Variants in TMEM38B observed in about 807,000 individuals in gnomAD.
TMEM38B encodes transmembrane protein 38B, also known as trimeric intracellular cation channel type B.
In TMEM38B, 24 loss-of-function variants were observed where a neutral mutation model predicts 28.7. The ratio of observed to expected loss-of-function variants is 0.84; its 90% CI spans 0.61 to 1.18. The LOEUF (loss-of-function observed/expected upper bound fraction) is 1.18. TMEM38B is among the 50% of genes most tolerant of loss of function. The probability of loss-of-function intolerance (pLI) is 0.00; values close to 1 mark genes in which losing one functional copy is unlikely to be tolerated. For synonymous variants in TMEM38B, 131 were observed against 127.7 expected (o/e 1.03, Z -0.17); for missense variants, 380 against 350.9 (o/e 1.08, Z -0.66).
intron 4 of TMEM38B, among the ~76,000 whole-genome samples, chr9:105,747,648 A>G (rs1837469674): frequency 6.6e-6 from 1 of 151,974 alleles, no homozygotes; most frequent in African/African-American, 2.4e-5. Context: ...TTGCTTCTCT[A>G]GTTCTTTTAA....
chr9:105,732,008 A>G (rs902847730), intron 4 of TMEM38B, among the ~76,000 whole-genome samples: 31 of 152,072 alleles, frequency 2.0e-4, no homozygotes, highest in Non-Finnish European at 3.2e-4. Flanking sequence ...TCTAACTGGC[A>G]TGAGATGGTA....
At chr9:105,696,743 C>T (rs144065186) in intron 1 of TMEM38B, among the ~76,000 whole-genome samples, 1 of 152,238 alleles carries the variant, frequency 6.6e-6, no homozygotes, top group East Asian at 1.9e-4. Flanking sequence ...ACCCCCAACC[C>T]CCAACCAGAG....
intron 5 of TMEM38B, chr9:105,749,134 T>C (rs1195558817): frequency 1.5e-6 from 2 of 1,300,630 alleles, no homozygotes; most frequent in Non-Finnish European, 1.0e-6. Flanking sequence ...GGAGGCAAAA[T>C]CTCTTCACAT....
chr9:105,712,000 T>C (rs1835923105), intron 2 of TMEM38B, among the ~76,000 whole-genome samples: 1 of 152,094 alleles, frequency 6.6e-6, no homozygotes, highest in South Asian at 2.1e-4. Context: ...TCACTGCAAT[T>C]TCTGCCTCCC....
chr9:105,745,762 G>A (rs1208241913), intron 4 of TMEM38B, among the ~76,000 whole-genome samples: 1 of 151,686 alleles, frequency 6.6e-6, no homozygotes, highest in Non-Finnish European at 1.5e-5. Context: ...ATTAATTTTT[G>A]TATAATTACA....
At chr9:105,763,678 C>G (rs1334573153) in intron 5 of TMEM38B, among the ~76,000 whole-genome samples, 1 of 152,224 alleles carries the variant, frequency 6.6e-6, no homozygotes, top group Non-Finnish European at 1.5e-5. Context: ...ACCATTCCTT[C>G]TGAAACTATT....
chr9:105,740,910 G>A (rs1837178825), intron 4 of TMEM38B, among the ~76,000 whole-genome samples: 1 of 152,150 alleles, frequency 6.6e-6, no homozygotes, highest in Admixed American at 6.5e-5. Flanking sequence ...CAGTAAGACT[G>A]AACAATGGTT....
chr9:105,774,030 G>T lies in TMEM38B; in HGVS notation c.826G>T (p.Asp276Tyr). ...TGGGTCATTGGCCTCAAAGCCGGTA[G>T]ATGTTGCCTCAGATAATGTTAAAAA... ...GVGSLASKPV[D>Y]VASDNVKKKH... Residue 276 changes from aspartate (D) to tyrosine (Y), a missense_variant, in exon 6 of 6, where the codon GAT becomes TAT. Coordinates refer to ENST00000374692, the MANE Select transcript of TMEM38B (RefSeq NM_018112.3). 4 of 1,613,736 alleles carry T rather than the reference G, an allele frequency of 2.5e-6. No homozygotes were observed. The highest frequency in any genetic ancestry group is 3.4e-6 in the Non-Finnish European group (4 of 1,179,772).
chr9:105,705,824 T>G, intron 2 of TMEM38B, 71 bp downstream of exon 2: 2 of 1,496,802 alleles, frequency 1.3e-6, no homozygotes, highest in Non-Finnish European at 1.8e-6. Context: ...AAAATGAATT[T>G]TTTTTTCTTT....
chr9:105,722,338 A>G (rs1836347418), intron 3 of TMEM38B, among the ~76,000 whole-genome samples, 196 bp from the exon 4 acceptor site: 1 of 152,200 alleles, frequency 6.6e-6, no homozygotes, highest in Non-Finnish European at 1.5e-5. Flanking sequence ...TTAACAGTTG[A>G]CATGCTGGTG....
intron 4 of TMEM38B, among the ~76,000 whole-genome samples, chr9:105,732,601 C>T (rs112678988): frequency 0.034 from 5,214 of 152,164 alleles, 234 homozygotes; most frequent in African/African-American, 0.1. Flanking sequence ...TCAGATTTGT[C>T]AAAGATCAGA....
intron 5 of TMEM38B, among the ~76,000 whole-genome samples, chr9:105,763,048 A>G (rs1442556646): frequency 1.6e-3 from 236 of 148,100 alleles, no homozygotes; most frequent in Non-Finnish European, 2.3e-3. Flanking sequence ...TGGCTGCATA[A>G]ATGTCTTCTT....
intron 4 of TMEM38B, among the ~76,000 whole-genome samples, chr9:105,737,751 G>A (rs1012262685): frequency 6.6e-6 from 1 of 152,210 alleles, no homozygotes; most frequent in African/African-American, 2.4e-5. Flanking sequence ...CCAGTGCACA[G>A]GTTCCCTGGG....
Position 105,723,508 on chromosome 9 carries a change from C to T in TMEM38B, c.542+887C>T, listed in dbSNP as rs532574056. On this transcript the variant is annotated intron_variant, in intron 4 of 5. Coordinates refer to ENST00000374692, the MANE Select transcript of TMEM38B (RefSeq NM_018112.3). ...TTGGGCTCAAGTGATCCTTCCACCTCAGCCTCCTGAGTAGTTGTGACTACA... is the reference window on the plus strand; with the variant it reads ...TTGGGCTCAAGTGATCCTTCCACCTTAGCCTCCTGAGTAGTTGTGACTACA... 2.1e-4 allele frequency among the ~76,000 whole-genome samples: 32 copies of T among 151,926 alleles called. No individual in the cohort carries two copies. In the East Asian group the frequency reaches 5.6e-3, roughly 27 times the overall value.
intron 5 of TMEM38B, chr9:105,760,496 C>T (rs187012807): frequency 4.3e-5 from 32 of 744,324 alleles, no homozygotes; most frequent in Non-Finnish European, 6.1e-5. Flanking sequence ...CAGATTAGTG[C>T]TCAGGACTTT....
intron 5 of TMEM38B, among the ~76,000 whole-genome samples, chr9:105,766,719 T>C (rs1005143293): frequency 1.3e-5 from 2 of 152,124 alleles, no homozygotes; most frequent in Middle Eastern, 3.2e-3. Flanking sequence ...CTAAAAGTTT[T>C]ATAATTTTTG....
chr9:105,713,315 A>T lies in TMEM38B; in HGVS notation c.269+7562A>T, dbSNP rs145383720. On this transcript the variant is annotated intron_variant, in intron 2 of 5. Coordinates refer to ENST00000374692, the MANE Select transcript of TMEM38B (RefSeq NM_018112.3). ...AAACCGGGGCTGCAGACCCAGGCAT[A>T]CCTGCACTCTTGTGGGGTCTGGGAA... 3.4e-3 allele frequency among the ~76,000 whole-genome samples: 516 copies of T among 152,224 alleles called. 5 individuals carry two copies. The highest frequency in any genetic ancestry group is 0.012 in the African/African-American group (481 of 41,568).
chr9:105,745,078 T>A (rs1292894619), intron 4 of TMEM38B, among the ~76,000 whole-genome samples: 3 of 152,246 alleles, frequency 2.0e-5, no homozygotes, highest in African/African-American at 7.2e-5. Flanking sequence ...AGCAGCATGA[T>A]TTATAATCCT....
At chr9:105,715,005 C>T (rs900606188) in intron 2 of TMEM38B, among the ~76,000 whole-genome samples, 1 of 151,922 alleles carries the variant, frequency 6.6e-6, no homozygotes, top group Non-Finnish European at 1.5e-5. Context: ...AAATTTTTTC[C>T]CTGTTACATA....
Sources: gnomAD v4.1 joint callset for allele counts (sites outside exome capture counted in the v4.1 genomes callset) on GRCh38, gnomAD v4.1.1 for gene constraint, MANE v1.5 for transcripts, NCBI Gene and HGNC (gene_info 2026-07-23, HGNC 2026-07-21) for gene names.